Variants in PLXNA2 observed in about 807,000 individuals in gnomAD.
The protein encoded by PLXNA2 is plexin-A2.
Under a neutral mutation model 193.5 loss-of-function variants are expected in PLXNA2, and 91 were observed. The observed-to-expected ratio is 0.47, with a 90% CI of 0.40 to 0.56. PLXNA2 has a LOEUF of 0.56. PLXNA2 is among the 20% of genes least tolerant of loss of function. The pLI is 0.00. For synonymous variants in PLXNA2, 997 were observed against 1,027.3 expected, an observed-to-expected ratio of 0.97 and a Z score of 0.56; for missense variants, 1,995 against 2,503.2, an observed-to-expected ratio of 0.80 and a Z score of 4.33.
chr1:208,196,538 C>T (rs1200974470), intron 3 of PLXNA2, among the ~76,000 whole-genome samples: 3 of 152,176 alleles, frequency 2.0e-5, no homozygotes, highest in South Asian at 2.1e-4. Flanking sequence ...GATGCTCTTG[C>T]TCCTTTCTCC....
Position 208,044,890 on chromosome 1 carries a change from A to G in PLXNA2, c.3640-148T>C. 1 of 1,015,214 alleles carries G rather than the reference A, an allele frequency of 9.9e-7. No homozygotes were observed. Among genetic ancestry groups the G allele is most frequent in the Non-Finnish European group, 1.5e-6 (1 of 679,282 alleles). 62.9% of individuals were successfully genotyped at this position (1,015,214 alleles called of 1,614,324 possible). On this transcript the variant is annotated intron_variant, in intron 19 of 31. Coordinates refer to ENST00000367033, the MANE Select transcript of PLXNA2 (RefSeq NM_025179.4). The surrounding 1 kb of genome is among the most constrained non-coding windows in gnomAD (Gnocchi z 4.9). Reference sequence around the variant, plus strand: ...ATAAAAAGCAATTTCCTGCCTCGGCATCTGCCTTTCTTTTCTTGTGTTCTC... The same window carrying G: ...ATAAAAAGCAATTTCCTGCCTCGGCGTCTGCCTTTCTTTTCTTGTGTTCTC...
chr1:208,101,063 A>G (rs1470633912), intron 5 of PLXNA2, among the ~76,000 whole-genome samples: 1 of 152,250 alleles, frequency 6.6e-6, no homozygotes, highest in Non-Finnish European at 1.5e-5. Flanking sequence ...ATTGAGGTTT[A>G]AGTGAATCCT....
intron 1 of PLXNA2, among the ~76,000 whole-genome samples, chr1:208,243,041 C>T (rs11119021): frequency 0.061 from 9,283 of 152,192 alleles, 970 homozygotes; most frequent in African/African-American, 0.21. Flanking sequence ...AAGGGAGCCC[C>T]GGGAGATGAA....
intron 4 of PLXNA2, among the ~76,000 whole-genome samples, chr1:208,138,124 AG>A (rs1425570146): frequency 2.0e-5 from 3 of 152,232 alleles, no homozygotes; most frequent in African/African-American, 7.2e-5. Context: ...GTCTCAAAGT[AG>A]GAAAATAGAC....
chr1:208,038,285 T>A lies in PLXNA2; in HGVS notation c.4764+86A>T. 1.1e-6 allele frequency: 1 copy of A among 919,482 alleles called. No homozygotes were observed. Among genetic ancestry groups the A allele is most frequent in the Middle Eastern group, 2.2e-4 (1 of 4,632 alleles). 57.0% of individuals were successfully genotyped at this position (919,482 alleles called of 1,614,324 possible). ...GGAAAGCAGGGAGAGGAAAATCCTT[T>A]TTAGACTTTTGAGGCCTTAGAGCAA... is the stretch of plus-strand genomic sequence containing the variant. On this transcript the variant is annotated intron_variant, in intron 26 of 31. Transcript: ENST00000367033. This position sits in a 1 kb window ranked among gnomAD's most constrained non-coding sequence, Gnocchi z 4.1.
chr1:208,240,386 C>G (rs1238092837), intron 1 of PLXNA2, among the ~76,000 whole-genome samples: 1 of 152,220 alleles, frequency 6.6e-6, no homozygotes, highest in Non-Finnish European at 1.5e-5. Flanking sequence ...GCCTTTCTCT[C>G]TGTCTCCATA....
At chr1:208,036,721 A>G (rs1484834452) in intron 26 of PLXNA2, among the ~76,000 whole-genome samples, 1 of 152,244 alleles carries the variant, frequency 6.6e-6, no homozygotes, top group Non-Finnish European at 1.5e-5. Context: ...ACTTGCACTC[A>G]GTAAAACTCA....
chr1:208,063,619 G>C (rs765318724), intron 12 of PLXNA2, among the ~76,000 whole-genome samples: 4 of 152,126 alleles, frequency 2.6e-5, no homozygotes, highest in Non-Finnish European at 5.9e-5. Context: ...GGGGAGTGTA[G>C]GGTCTTTATG....
intron 4 of PLXNA2, among the ~76,000 whole-genome samples, chr1:208,108,273 G>C (rs1477535841): frequency 6.6e-6 from 1 of 152,154 alleles, no homozygotes; most frequent in Non-Finnish European, 1.5e-5. Flanking sequence ...GAAGCCACTG[G>C]ACCCAGCCTC....
rs763578924 is a variant in PLXNA2, at chr1:208,217,895, C to T, written c.28G>A (p.Ala10Thr). The T allele has an allele frequency of 2.5e-6, 4 of 1,611,546 alleles. No individual in the cohort carries two copies. The highest frequency in any genetic ancestry group is 3.4e-6 in the Non-Finnish European group (4 of 1,179,850). MEQRRPWPR[A>T]LEVDSRSVVL... is the part of the protein sequence containing the mutation. ...ACAGAGCGGCTGTCCACCTCCAGGGCCCGGGGCCAGGGCCGCCTCTGTTCC... is the reference window on the plus strand; with the variant it reads ...ACAGAGCGGCTGTCCACCTCCAGGGTCCGGGGCCAGGGCCGCCTCTGTTCC... Residue 10 changes from alanine (A) to threonine (T), a missense_variant, in exon 2 of 32, where the codon GCC becomes ACC. By Grantham distance (58) the Ala-to-Thr change is moderately conservative. Around this residue, in one of 3 missense-constraint regions of PLXNA2, gnomAD observed 702 missense variants for 812.9 expected, o/e 0.86. Transcript: ENST00000367033. This position sits in a 1 kb window ranked among gnomAD's most constrained non-coding sequence, Gnocchi z 4.7.
intron 1 of PLXNA2, among the ~76,000 whole-genome samples, chr1:208,223,322 G>A (rs1458499882): frequency 6.6e-6 from 1 of 151,978 alleles, no homozygotes. Flanking sequence ...GAAACAGGCT[G>A]CAGTCAGAAC....
Position 208,028,075 on chromosome 1 carries a change from G to A in PLXNA2, c.5523C>T (p.Ala1841=), listed in dbSNP as rs766005515. 6.2e-6 allele frequency: 10 copies of A among 1,613,422 alleles called. No homozygotes were observed. Among genetic ancestry groups the A allele is most frequent in the Middle Eastern group, 1.7e-4 (1 of 6,060 alleles). The change falls in exon 31 of 32, where the codon GCC becomes GCT. Residue 1841 remains alanine (A), a synonymous_variant. Transcript: ENST00000367033. This position sits in a 1 kb window ranked among gnomAD's most constrained non-coding sequence, Gnocchi z 4.2. ...GGGCACTCAGCATGTTGAACTCCAC[G>A]GCGTGCAGGCGGGACTGCTCGGCGA... ...AYLAEQSRLH[A]VEFNMLSALN... is the part of the protein sequence containing the mutation.
chr1:208,123,007 C>T (rs768539354), intron 4 of PLXNA2, among the ~76,000 whole-genome samples: 2 of 152,178 alleles, frequency 1.3e-5, no homozygotes, highest in Non-Finnish European at 2.9e-5. Flanking sequence ...ACCATTAGCA[C>T]AATCCATTTC....
intron 17 of PLXNA2, among the ~76,000 whole-genome samples, chr1:208,046,972 G>GT (rs1170897065): frequency 2.6e-5 from 4 of 151,814 alleles, no homozygotes; most frequent in Middle Eastern, 6.8e-3. Context: ...TTGTTTTTTT[G>GT]TTTTTTGAGA....
intron 24 of PLXNA2, 147 bp downstream of exon 24, chr1:208,039,474 G>T: frequency 1.8e-6 from 2 of 1,093,320 alleles, no homozygotes; most frequent in Non-Finnish European, 2.6e-6. Context: ...CCTTGCTCTT[G>T]GTACACTTAG....
At position 208,044,412 on chromosome 1, in the gene PLXNA2, C is replaced by A. The variant is rs551461019; in HGVS notation, c.3874+96G>T. 1.2e-6 allele frequency: 1 copy of A among 837,540 alleles called. No homozygotes were observed. The highest frequency in any genetic ancestry group is 2.0e-6 in the Non-Finnish European group (1 of 511,152). The allele number at this position is 837,540 out of a possible 1,614,324, so 51.9% of individuals were successfully genotyped here. On this transcript the variant is annotated intron_variant, in intron 20 of 31. Coordinates refer to ENST00000367033, the MANE Select transcript of PLXNA2 (RefSeq NM_025179.4). The surrounding 1 kb of genome is among the most constrained non-coding windows in gnomAD (Gnocchi z 4.9). ...TGGAATGCAGAGGCATGGCTGGCAGCGATGGGAGTAAAGATAGGAGTTGTC... is the reference window on the plus strand; with the variant it reads ...TGGAATGCAGAGGCATGGCTGGCAGAGATGGGAGTAAAGATAGGAGTTGTC...
rs145856046 is a variant in PLXNA2 at position 208,031,559 on chromosome 1, G to T, written c.5225+31C>A. 2,404 of 1,613,040 alleles carry T rather than the reference G, an allele frequency of 1.5e-3. 21 individuals carry two copies. In the African/African-American group the frequency reaches 0.023, roughly 15 times the overall value. Reference sequence around the variant, plus strand: ...TCTTAGCTCCAGGCCTCTCCAGGCTGCACCTCCTGCTGAGCTCCCCGAGGG... The same window carrying T: ...TCTTAGCTCCAGGCCTCTCCAGGCTTCACCTCCTGCTGAGCTCCCCGAGGG... On this transcript the variant is annotated intron_variant, in intron 29 of 31. Coordinates refer to ENST00000367033, the MANE Select transcript of PLXNA2 (RefSeq NM_025179.4).
intron 4 of PLXNA2, among the ~76,000 whole-genome samples, chr1:208,120,197 A>G (rs1667763386): frequency 6.6e-6 from 1 of 152,234 alleles, no homozygotes; most frequent in Non-Finnish European, 1.5e-5. Flanking sequence ...AAATGAAAAC[A>G]TGCTCTCTGC....
intron 3 of PLXNA2, among the ~76,000 whole-genome samples, chr1:208,165,696 G>A (rs1293474100): frequency 2.6e-5 from 4 of 152,138 alleles, no homozygotes; most frequent in Non-Finnish European, 5.9e-5. Flanking sequence ...TGGGGTCCCT[G>A]GTCTCCACTC....
Sources: allele counts gnomAD v4.1 joint callset (sites outside exome capture counted in the v4.1 genomes callset), GRCh38; gene constraint gnomAD v4.1.1; regional missense constraint gnomAD v4.1.1; non-coding constraint Gnocchi (gnomAD v3.1); transcripts MANE v1.5; gene names NCBI Gene and HGNC (gene_info 2026-07-23, HGNC 2026-07-21).